NINL: variants seen among roughly 807,000 people sequenced by gnomAD.
NINL encodes the protein ninein-like protein.
A neutral mutation model predicts 160.3 loss-of-function variants in NINL; 153 were observed. The ratio of observed to expected loss-of-function variants is 0.95; its 90% confidence interval spans 0.84 to 1.09. The LOEUF is 1.09. Ranked by LOEUF, NINL falls within the 50% of genes least tolerant of loss-of-function variation. The pLI is 0.00. For synonymous variants in NINL, 800 were observed against 734.8 expected, an observed-to-expected ratio of 1.09 and a Z score of -1.43; for missense variants, 1,829 against 1,764.0, an observed-to-expected ratio of 1.04 and a Z score of -0.66.
chr20:25,479,590 G>A (rs555035373), intron 15 of NINL, among the ~76,000 whole-genome samples: 29 of 152,298 alleles, frequency 1.9e-4, no homozygotes, highest in Non-Finnish European at 3.7e-4. Context: ...GGCAGGGCTC[G>A]CCGGAGCTTC....
intron 1 of NINL, among the ~76,000 whole-genome samples, chr20:25,534,642 G>C (rs973877440): frequency 1.3e-5 from 2 of 152,194 alleles, no homozygotes; most frequent in African/African-American, 4.8e-5. Flanking sequence ...GTAATCTTAT[G>C]AGACCACCAC....
intron 8 of NINL, among the ~76,000 whole-genome samples, chr20:25,498,797 G>A (rs2063810587): frequency 6.6e-6 from 1 of 152,186 alleles, no homozygotes. Flanking sequence ...AGATGGAGGG[G>A]GTCCCCACAG....
chr20:25,575,252 T>A (rs1445337152), intron 1 of NINL, among the ~76,000 whole-genome samples: 1 of 136,622 alleles, frequency 7.3e-6, no homozygotes, highest in African/African-American at 2.8e-5. Context: ...ATCGAGACCA[T>A]CCTGGCTAAC....
At chr20:25,490,028 G>T (rs372600310) in intron 11 of NINL, 43 bp from the exon 12 acceptor site, 1 of 1,533,690 alleles carries the variant, frequency 6.5e-7, no homozygotes, top group South Asian at 1.1e-5. Context: ...CCTGCAGGAC[G>T]GAGGGGATGT....
intron 19 of NINL, among the ~76,000 whole-genome samples, chr20:25,463,518 C>T (rs546248718): frequency 3.3e-5 from 5 of 152,304 alleles, no homozygotes; most frequent in East Asian, 1.9e-4. Flanking sequence ...CCTGTGAGGG[C>T]GCAGTGCAGT....
At position 25,461,619 on chromosome 20, in the gene NINL, T is replaced by G. The variant is rs1296791588; in HGVS notation, c.3599A>C (p.Lys1200Thr). ...SGQQQSDQIQ[K>T]LRVELECLNQ... is the part of the protein sequence containing the mutation. ...CAGGCATTCAAGTTCAACTCTAAGT[T>G]TTTGGATTTGGTCACTCTGTTTTTA... is the stretch of plus-strand genomic sequence containing the variant. The change falls in exon 21 of 24, where the codon AAA becomes ACA. Residue 1200 changes from lysine to threonine, a missense_variant. By Grantham distance (78) the Lys-to-Thr change is moderately conservative. Coordinates refer to ENST00000278886, the MANE Select transcript of NINL (RefSeq NM_025176.6). The G allele has an allele frequency of 2.5e-6, 4 of 1,612,672 alleles. No homozygotes were observed. The Admixed American group carries it at 6.7e-5, about 27-fold the overall frequency.
At chr20:25,463,592 G>A (rs949692217) in intron 19 of NINL, among the ~76,000 whole-genome samples, 12 of 152,192 alleles carry the variant, frequency 7.9e-5, no homozygotes, top group African/African-American at 2.7e-4. Context: ...GCAGCCACCT[G>A]TCAGGAACAT....
In NINL at chr20:25,476,469, AGCTCCCGG is replaced by A. The variant is rs750000113; in HGVS notation, c.2814_2821del (p.Arg939AlafsTer32). On this transcript the variant is annotated frameshift_variant, in exon 17 of 24. Coordinates refer to ENST00000278886, the MANE Select transcript of NINL (RefSeq NM_025176.6). LOFTEE classifies it high-confidence loss of function. ...GTCTCTCTCTGTTCCCAGCAGAGGC[AGCTCCCGG>A]GCTCCAGGCTGCTCCAGCCCCGCTG... The A allele has an allele frequency of 1.6e-5, 25 of 1,606,954 alleles. No homozygotes were observed. The African/African-American group carries it at 2.1e-4, about 14-fold the overall frequency.
At chr20:25,557,325 G>T (rs1467487752) in intron 1 of NINL, among the ~76,000 whole-genome samples, 1 of 152,110 alleles carries the variant, frequency 6.6e-6, no homozygotes, top group African/African-American at 2.4e-5. Flanking sequence ...GAGGTCAAGA[G>T]TTCCAGACCA....
At chr20:25,519,914 G>A (rs1218519457) in intron 2 of NINL, among the ~76,000 whole-genome samples, 1 of 140,862 alleles carries the variant, frequency 7.1e-6, no homozygotes, top group Non-Finnish European at 1.5e-5. Context: ...TGAGGCAGGA[G>A]GATTGCTTAA....
chr20:25,539,933 T>C (rs2064632817), intron 1 of NINL: 2 of 779,734 alleles, frequency 2.6e-6, no homozygotes, highest in African/African-American at 3.6e-5. Flanking sequence ...TGCACACCCC[T>C]GCGGGTTCCC....
intron 1 of NINL, among the ~76,000 whole-genome samples, chr20:25,581,357 G>A (rs1183581542): frequency 2.0e-5 from 3 of 151,714 alleles, no homozygotes; most frequent in Non-Finnish European, 4.4e-5. Flanking sequence ...CAAGAGAATC[G>A]CTTGAACCCG....
chr20:25,466,604 G>A (rs426143), intron 19 of NINL, among the ~76,000 whole-genome samples: 4,109 of 151,016 alleles, frequency 0.027, 177 homozygotes, highest in African/African-American at 0.091. Flanking sequence ...GTTCGAGACC[G>A]GCCTGGCCAA....
At chr20:25,521,982 C>T (rs1309402008) in intron 2 of NINL, among the ~76,000 whole-genome samples, 2 of 152,176 alleles carry the variant, frequency 1.3e-5, no homozygotes, top group East Asian at 1.9e-4. Context: ...TCACAGCTCA[C>T]TGCAGCTTCA....
rs1266246908 is a variant in NINL at position 25,491,479 on chromosome 20, C to T, written c.1357G>A (p.Glu453Lys). 2 of 1,613,944 alleles carry T rather than the reference C, an allele frequency of 1.2e-6. No individual in the cohort carries two copies. The highest frequency in any genetic ancestry group is 1.1e-5 in the South Asian group (1 of 91,092). Residue 453 changes from glutamate to lysine, a missense_variant, in exon 11 of 24, where the codon GAG (glutamate) becomes AAG (lysine). By Grantham distance (56) the Glu-to-Lys change is moderately conservative (BLOSUM62 1). Coordinates refer to ENST00000278886, the MANE Select transcript of NINL (RefSeq NM_025176.6). ...AACAGCTCTCGCTCCGCCTCCACCT[C>T]AGACCGCAGGAGGCTCAGCCTTTCC... is the stretch of plus-strand genomic sequence containing the variant. ...YRERLSLLRS[E>K]VEAERELFWE... is the part of the protein sequence containing the mutation.
intron 20 of NINL, 61 bp from the exon 21 acceptor site, chr20:25,461,696 C>A: frequency 8.8e-7 from 1 of 1,141,124 alleles, no homozygotes; most frequent in South Asian, 1.3e-5. Flanking sequence ...GTATGTAATT[C>A]GTGCAAAAAC....
chr20:25,539,935 C>T (rs1001440766), intron 1 of NINL: 17 of 799,344 alleles, frequency 2.1e-5, no homozygotes, highest in South Asian at 4.3e-5. Context: ...CACACCCCTG[C>T]GGGTTCCCGG....
rs577932819 is a variant in NINL at position 25,526,521 on chromosome 20, C to T, written c.67G>A (p.Gly23Arg). ...REVYSSCDTT[G>R]TGFLDRQELT... The stretch of plus-strand genomic sequence containing the variant: ...TCCTGGCGGTCCAGAAAGCCAGTCC[C>T]CGTGGTGTCGCAGCTGCTGTAGACT... The change falls in exon 2 of 24, where the codon GGG becomes AGG. Residue 23 changes from glycine (G) to arginine (R), a missense_variant. Transcript: ENST00000278886. The T allele has an allele frequency of 2.7e-5, 44 of 1,614,178 alleles. No individual in the cohort carries two copies. In the South Asian group the frequency reaches 4.5e-4, roughly 17 times the overall value.
intron 17 of NINL, among the ~76,000 whole-genome samples, chr20:25,471,152 C>T (rs571098262): frequency 6.6e-5 from 10 of 152,088 alleles, no homozygotes; most frequent in South Asian, 2.1e-4. Context: ...TGCGCCACCA[C>T]GCCTGGATAA....
Sources: allele counts gnomAD v4.1 joint callset (sites outside exome capture counted in the v4.1 genomes callset), GRCh38; gene constraint gnomAD v4.1.1; transcripts MANE v1.5; gene names NCBI Gene and HGNC (gene_info 2026-07-23, HGNC 2026-07-21).